The following KHDRBS2 variants were observed in gnomAD, a reference collection of about 807,000 sequenced individuals.
KHDRBS2 encodes KH domain-containing, RNA-binding, signal transduction-associated protein 2.
Under a neutral mutation model 44.3 loss-of-function variants are expected in KHDRBS2, and 26 were observed. The ratio of observed to expected loss-of-function variants is 0.59; its 90% CI spans 0.43 to 0.81. The LOEUF (loss-of-function observed/expected upper bound fraction) is 0.81, where lower values mean the gene tolerates loss of function less well. Ranked by LOEUF, KHDRBS2 falls within the 40% of genes least tolerant of loss-of-function variation. KHDRBS2 has a pLI of 0.00. For missense variants in KHDRBS2, 476 were observed against 433.1 expected, an observed-to-expected ratio of 1.10 and a Z score of -0.88; for synonymous variants, 194 against 151.1, an observed-to-expected ratio of 1.28 and a Z score of -2.08.
intron 7 of KHDRBS2, among the ~76,000 whole-genome samples, chr6:61,699,748 G>A (rs1177514910): frequency 1.3e-5 from 2 of 151,988 alleles, no homozygotes; most frequent in African/African-American, 4.8e-5. Flanking sequence ...GAGAACTTTG[G>A]TCATCCTTAT....
intron 1 of KHDRBS2, among the ~76,000 whole-genome samples, chr6:62,217,279 GA>G (rs148481559): frequency 1.3e-5 from 2 of 151,076 alleles, no homozygotes; most frequent in Admixed American, 6.6e-5. Flanking sequence ...CAAATGACCA[GA>G]AAAAAAAGCT....
chr6:61,677,872 G>C (rs761261242), downstream of KHDRBS2, among the ~76,000 whole-genome samples: 7 of 151,762 alleles, frequency 4.6e-5, no homozygotes, highest in Non-Finnish European at 2.9e-5. Context: ...TCCTCACAGC[G>C]AATGAGCTAC....
At chr6:61,962,564 T>C (rs983314098) in intron 4 of KHDRBS2, among the ~76,000 whole-genome samples, 8 of 152,116 alleles carry the variant, frequency 5.3e-5, no homozygotes, top group Non-Finnish European at 1.0e-4. Context: ...ACTATTACAC[T>C]GTAGAAGATC....
rs901884612 is a variant in KHDRBS2, at chr6:61,974,930, TAAAAAATAAATA to T, written c.483+3124_483+3135del. ...TGGGCGACATAGCAAGACTCCATCT[TAAAAAATAAATA>T]AATAAATAAATAAATAAATAAATAA... On this transcript the variant is annotated intron_variant, in intron 4 of 8. Coordinates refer to ENST00000281156, the MANE Select transcript of KHDRBS2 (RefSeq NM_152688.4). Among the ~76,000 whole-genome samples the T allele has an allele frequency of 2.4e-3, 274 of 115,142 alleles. 1 individual carries two copies. Among genetic ancestry groups the T allele is most frequent in the East Asian group, 1.5e-3 (6 of 4,030 alleles). 75.5% of individuals were successfully genotyped at this position (115,142 alleles called of 152,430 possible).
At chr6:62,050,157 G>A (rs1279776534) in intron 2 of KHDRBS2, among the ~76,000 whole-genome samples, 1 of 151,990 alleles carries the variant, frequency 6.6e-6, no homozygotes, top group African/African-American at 2.4e-5. Flanking sequence ...CATGGTTGAA[G>A]CTGGAAACCA....
At chr6:62,140,881 C>T (rs1812671099) in intron 2 of KHDRBS2, among the ~76,000 whole-genome samples, 2 of 152,136 alleles carry the variant, frequency 1.3e-5, no homozygotes, top group Non-Finnish European at 2.9e-5. Context: ...TAATTGTGTG[C>T]AATGCAGCAT....
chr6:61,848,458 AAATGGAGGTTTTATATATATAT>A (rs1794733849), intron 6 of KHDRBS2, among the ~76,000 whole-genome samples: 1 of 124,250 alleles, frequency 8.0e-6, no homozygotes, highest in Non-Finnish European at 1.7e-5. Context: ...ATATTGAGAG[AAATGGAGGTTTTATATATATAT>A]ATATATATAT....
intron 6 of KHDRBS2, among the ~76,000 whole-genome samples, chr6:61,814,225 C>T (rs1788550660): frequency 6.6e-6 from 1 of 152,182 alleles, no homozygotes; most frequent in Non-Finnish European, 1.5e-5. Context: ...TGAGCTGCTG[C>T]TCTCTTCTAT....
chr6:61,633,115 G>T, the KHDRBS2 span, among the ~76,000 whole-genome samples: 1 of 152,060 alleles, frequency 6.6e-6, no homozygotes. Flanking sequence ...TGCACCACAG[G>T]TAATTTAGTG....
intron 6 of KHDRBS2, among the ~76,000 whole-genome samples, chr6:61,740,500 A>T (rs1582525193): frequency 6.6e-6 from 1 of 151,956 alleles, no homozygotes; most frequent in South Asian, 2.1e-4. Flanking sequence ...TCAACATTTT[A>T]TATATTTTGA....
At chr6:61,851,198 AATAT>A (rs1011593310) in intron 6 of KHDRBS2, among the ~76,000 whole-genome samples, 2 of 152,006 alleles carry the variant, frequency 1.3e-5, no homozygotes, top group Non-Finnish European at 2.9e-5. Flanking sequence ...ATGAGAAAAA[AATAT>A]ATATATACAC....
rs76937874 is a variant in KHDRBS2, at chr6:61,971,426, T to G, written c.483+6640A>C. Among the ~76,000 whole-genome samples, 1,460 of 152,272 alleles carry G rather than the reference T, an allele frequency of 9.6e-3. 6 individuals carry two copies. The highest frequency in any genetic ancestry group is 0.031 in the Middle Eastern group (9 of 294). Reference sequence around the variant, plus strand: ...AGGGCAATTCAAAAAAAATGTTTTATGTTATTTAGCTCTTTAAAAAGTAAG... The same window carrying G: ...AGGGCAATTCAAAAAAAATGTTTTAGGTTATTTAGCTCTTTAAAAAGTAAG... On this transcript the variant is annotated intron_variant, in intron 4 of 8. Transcript: ENST00000281156.
At chr6:61,779,861 G>A (rs1484888049) in intron 6 of KHDRBS2, among the ~76,000 whole-genome samples, 5 of 151,946 alleles carry the variant, frequency 3.3e-5, no homozygotes, top group African/African-American at 1.2e-4. Flanking sequence ...ATGCATCCAA[G>A]CTGGCAATCA....
At chr6:62,149,520 C>T (rs1364000156) in intron 2 of KHDRBS2, among the ~76,000 whole-genome samples, 2 of 152,092 alleles carry the variant, frequency 1.3e-5, no homozygotes, top group African/African-American at 4.8e-5. Flanking sequence ...ATTCCCCCAA[C>T]TAAAAGGTCC....
rs549589915 is a variant in KHDRBS2, at chr6:62,247,505, A to G, written c.91+38353T>C. On this transcript the variant is annotated intron_variant, in intron 1 of 8. Coordinates refer to ENST00000281156, the MANE Select transcript of KHDRBS2 (RefSeq NM_152688.4). ...AAAGTAACAATGGTATATCTTAAAT[A>G]GAGAAACCAACTACACTAAATATTT... 2.0e-5 allele frequency among the ~76,000 whole-genome samples: 3 copies of G among 152,188 alleles called. No homozygotes were observed. In the South Asian group the frequency reaches 6.2e-4, roughly 32 times the overall value.
intron 1 of KHDRBS2, among the ~76,000 whole-genome samples, chr6:62,283,347 T>C (rs1488080610): frequency 6.6e-6 from 1 of 152,090 alleles, no homozygotes; most frequent in African/African-American, 2.4e-5. Context: ...CCTTCAATTC[T>C]ACATGAAGCA....
intron 2 of KHDRBS2, among the ~76,000 whole-genome samples, chr6:62,051,959 G>T (rs1789165505): frequency 6.6e-6 from 1 of 151,996 alleles, no homozygotes; most frequent in South Asian, 2.1e-4. Flanking sequence ...TATCAGGATA[G>T]CTATTTCCAA....
intron 6 of KHDRBS2, among the ~76,000 whole-genome samples, chr6:61,774,727 T>G (rs1053059376): frequency 3.3e-5 from 5 of 152,156 alleles, no homozygotes; most frequent in African/African-American, 1.2e-4. Flanking sequence ...GAGGAGCTGG[T>G]AGCATTCCTT....
chr6:62,160,040 A>T (rs1227017001), intron 2 of KHDRBS2, among the ~76,000 whole-genome samples: 1 of 152,112 alleles, frequency 6.6e-6, no homozygotes, highest in Non-Finnish European at 1.5e-5. Context: ...TTTATTGAGC[A>T]CCTACTATGT....
Sources: gnomAD v4.1 joint callset for allele counts (sites outside exome capture counted in the v4.1 genomes callset) on GRCh38, gnomAD v4.1.1 for gene constraint, MANE v1.5 for transcripts, NCBI Gene and HGNC (gene_info 2026-07-23, HGNC 2026-07-21) for gene names.